DDHD1: variants seen among roughly 807,000 people sequenced by gnomAD.
DDHD1 encodes DDHD domain containing 1, also known as phospholipase DDHD1.
In DDHD1, 49 loss-of-function variants were observed where a neutral mutation model predicts 96.4. The ratio of observed to expected loss-of-function variants is 0.51; its 90% confidence interval spans 0.40 to 0.64. The LOEUF (loss-of-function observed/expected upper bound fraction) is 0.64, where lower values mean the gene tolerates loss of function less well. Ranked by LOEUF, DDHD1 falls within the 30% of genes least tolerant of loss-of-function variation. The probability of loss-of-function intolerance (pLI) is 0.00; values close to 1 mark genes in which losing one functional copy is unlikely to be tolerated. For missense variants in DDHD1, 1,106 were observed against 1,161.2 expected, an observed-to-expected ratio of 0.95 and a Z score of 0.69; for synonymous variants, 442 against 446.5, an observed-to-expected ratio of 0.99 and a Z score of 0.13.
At chr14:53,112,787 G>T (rs1006309372) in intron 1 of DDHD1, among the ~76,000 whole-genome samples, 1 of 151,968 alleles carries the variant, frequency 6.6e-6, no homozygotes, top group Non-Finnish European at 1.5e-5. Flanking sequence ...CTTTATTATT[G>T]CAAGACAATG....
At chr14:53,087,354 A>T (rs1206107884) in intron 4 of DDHD1, among the ~76,000 whole-genome samples, 1 of 152,158 alleles carries the variant, frequency 6.6e-6, no homozygotes. Context: ...TCAATAGAAT[A>T]TACATTCTTC....
chr14:53,129,244 G>A (rs10145244), intron 1 of DDHD1, among the ~76,000 whole-genome samples: 2,672 of 152,166 alleles, frequency 0.018, 79 homozygotes, highest in African/African-American at 0.06. Context: ...CCCTCACTCC[G>A]TGAGGAGATC....
chr14:53,153,172 G>T lies in DDHD1; in HGVS notation c.-74C>A. The T allele has an allele frequency of 1.6e-6, 2 of 1,221,880 alleles. No individual in the cohort carries two copies. The highest frequency in any genetic ancestry group is 2.1e-6 in the Non-Finnish European group (2 of 943,932). 75.7% of individuals were successfully genotyped at this position (1,221,880 alleles called of 1,614,324 possible). On this transcript the variant is annotated 5_prime_UTR_variant, in exon 1 of 13. Coordinates refer to ENST00000673822, the MANE Select transcript of DDHD1 (RefSeq NM_001160148.2). ...CCAGCGCTTCCGCCACACATTCAAC[G>T]CCGCCGCCCTCTCCACCCGAAGTTT...
rs1015624342 is a variant in DDHD1, at chr14:53,041,455, G to C, written c.*5313C>G. ...AAACTCTTCTCATAGTCTCCAAAAA[G>C]GATAGTACTTAAATTTTAAATTTCT... On this transcript the variant is annotated 3_prime_UTR_variant, in exon 13 of 13. Coordinates refer to ENST00000673822, the MANE Select transcript of DDHD1 (RefSeq NM_001160148.2). 1.3e-5 allele frequency: 2 copies of C among 151,994 alleles called. No individual in the cohort carries two copies. Among genetic ancestry groups the C allele is most frequent in the Non-Finnish European group, 2.9e-5 (2 of 67,978 alleles). The allele number at this position is 151,994 out of a possible 1,614,324, so 9.4% of individuals were successfully genotyped here.
intron 4 of DDHD1, among the ~76,000 whole-genome samples, chr14:53,082,802 A>G (rs1320466194): frequency 6.6e-6 from 1 of 151,980 alleles, no homozygotes; most frequent in African/African-American, 2.4e-5. Context: ...TCATTGTCCA[A>G]TGCTGCAGTG....
At position 53,045,280 on chromosome 14, in the gene DDHD1, G is replaced by A. The variant is rs141141679; in HGVS notation, c.*1488C>T. On this transcript the variant is annotated 3_prime_UTR_variant, in exon 13 of 13. Coordinates refer to ENST00000673822, the MANE Select transcript of DDHD1 (RefSeq NM_001160148.2). ...TCTGTCACCCAGGCTGGAGTGCATT[G>A]GTGTGATCAGAGCTCACTGCAGCTT... 2 of 152,584 alleles carry A rather than the reference G, an allele frequency of 1.3e-5. No homozygotes were observed. Among genetic ancestry groups the A allele is most frequent in the African/African-American group, 4.8e-5 (2 of 41,540 alleles). The allele number at this position is 152,584 out of a possible 1,614,324, so 9.5% of individuals were successfully genotyped here.
intron 4 of DDHD1, 71 bp downstream of exon 4, chr14:53,091,714 A>G (rs1566557461): frequency 2.7e-6 from 4 of 1,479,736 alleles, no homozygotes; most frequent in East Asian, 2.3e-5. Flanking sequence ...TATACTGTTA[A>G]TATCTCTTAT....
At chr14:53,082,758 C>CAAAAAAAA (rs11368593) in intron 4 of DDHD1, among the ~76,000 whole-genome samples, 1 of 98,874 alleles carries the variant, frequency 1.0e-5, no homozygotes, top group African/African-American at 3.3e-5. Flanking sequence ...GACTCTATCT[C>CAAAAAAAA]AAAAAAAAAA....
intron 1 of DDHD1, among the ~76,000 whole-genome samples, chr14:53,145,498 G>A (rs1338220745): frequency 1.5e-5 from 1 of 68,536 alleles, no homozygotes; most frequent in Non-Finnish European, 2.6e-5. Flanking sequence ...ACAAAACCTT[G>A]TCTCAAAAAA....
rs574653236 is a variant in DDHD1 at position 53,132,570 on chromosome 14, C to T, written c.838+19691G>A. On this transcript the variant is annotated intron_variant, in intron 1 of 12. Coordinates refer to ENST00000673822, the MANE Select transcript of DDHD1 (RefSeq NM_001160148.2). Reference sequence around the variant, plus strand: ...CGAACTCACTGTCTTAACTCAGGCCCTCACTCTTGCAAAAGAACTGTGCGT... The same window carrying T: ...CGAACTCACTGTCTTAACTCAGGCCTTCACTCTTGCAAAAGAACTGTGCGT... Among the ~76,000 whole-genome samples, 3 of 152,334 alleles carry T rather than the reference C, an allele frequency of 2.0e-5. No homozygotes were observed. In the East Asian group the frequency reaches 5.8e-4, roughly 29 times the overall value.
At chr14:53,137,360 G>A (rs572928316) in intron 1 of DDHD1, among the ~76,000 whole-genome samples, 69 of 152,360 alleles carry the variant, frequency 4.5e-4, no homozygotes, top group African/African-American at 1.6e-3. Context: ...GGGAGGCTGA[G>A]GCAGGTGGAT....
chr14:53,143,576 C>T (rs1890788432), intron 1 of DDHD1, among the ~76,000 whole-genome samples: 1 of 152,164 alleles, frequency 6.6e-6, no homozygotes. Flanking sequence ...TGTATCTGTC[C>T]TGATTGGCTA....
At chr14:53,098,287 A>G (rs1887036665) in intron 2 of DDHD1, among the ~76,000 whole-genome samples, 1 of 152,130 alleles carries the variant, frequency 6.6e-6, no homozygotes, top group African/African-American at 2.4e-5. Flanking sequence ...AGTCTTACAT[A>G]GCAATGAAAA....
intron 2 of DDHD1, among the ~76,000 whole-genome samples, chr14:53,094,334 T>C (rs1489817790): frequency 6.6e-6 from 1 of 152,354 alleles, no homozygotes; most frequent in Non-Finnish European, 1.5e-5. Flanking sequence ...TTGCTCATCA[T>C]AGCAGAAATC....
intron 3 of DDHD1, 156 bp from the exon 4 acceptor site, chr14:53,092,088 T>C (rs371893213): frequency 1.5e-5 from 9 of 596,144 alleles, no homozygotes; most frequent in African/African-American, 1.5e-4. Context: ...TATATATTGA[T>C]CAGCTGTGAT....
intron 1 of DDHD1, among the ~76,000 whole-genome samples, chr14:53,124,305 G>A (rs1339650753): frequency 1.3e-5 from 2 of 151,358 alleles, no homozygotes; most frequent in Non-Finnish European, 2.9e-5. Context: ...GGAATGAAAG[G>A]TAGTAACTTA....
At chr14:53,137,246 A>G (rs2139864673) in intron 1 of DDHD1, among the ~76,000 whole-genome samples, 1 of 152,336 alleles carries the variant, frequency 6.6e-6, no homozygotes, top group South Asian at 2.1e-4. Context: ...ATTCAAGAAA[A>G]CAGCAATAGA....
intron 1 of DDHD1, among the ~76,000 whole-genome samples, chr14:53,144,618 G>A (rs1451423082): frequency 6.6e-6 from 1 of 152,202 alleles, no homozygotes; most frequent in African/African-American, 2.4e-5. Flanking sequence ...ATGTTAAAAT[G>A]CAAGTTTTAC....
Position 53,039,482 on chromosome 14 carries a change from T to C in DDHD1, c.*7286A>G, listed in dbSNP as rs1881492337. The C allele has an allele frequency of 6.6e-6, 1 of 152,244 alleles. No homozygotes were observed. Among genetic ancestry groups the C allele is most frequent in the Admixed American group, 6.6e-5 (1 of 15,260 alleles). 9.4% of individuals were successfully genotyped at this position (152,244 alleles called of 1,614,324 possible). On this transcript the variant is annotated 3_prime_UTR_variant, in exon 13 of 13. Coordinates refer to ENST00000673822, the MANE Select transcript of DDHD1 (RefSeq NM_001160148.2). ...TTGACCATGGTACAGACAGTGCTGA[T>C]TGAGCTGCTGGTGCTTACAGGGACT... is the stretch of plus-strand genomic sequence containing the variant.
Sources: gnomAD v4.1 joint callset for allele counts (sites outside exome capture counted in the v4.1 genomes callset) on GRCh38, gnomAD v4.1.1 for gene constraint, MANE v1.5 for transcripts, NCBI Gene and HGNC (gene_info 2026-07-23, HGNC 2026-07-21) for gene names.